SNX5: variants seen among roughly 807,000 people sequenced by gnomAD.
SNX5 encodes the protein sorting nexin-5.
A neutral mutation model predicts 53.9 loss-of-function variants in SNX5; 31 were observed. The observed-to-expected ratio is 0.58, with a 90% CI of 0.43 to 0.78. SNX5 has a LOEUF of 0.78. SNX5 is among the 30% of genes least tolerant of loss of function. SNX5 has a pLI of 0.00. For synonymous variants in SNX5, 168 were observed against 171.1 expected, an observed-to-expected ratio of 0.98 and a Z score of 0.14; for missense variants, 471 against 478.8, an observed-to-expected ratio of 0.98 and a Z score of 0.15.
chr20:17,960,065 C>T (rs748681734), intron 1 of SNX5, among the ~76,000 whole-genome samples: 35 of 152,134 alleles, frequency 2.3e-4, no homozygotes, highest in Non-Finnish European at 4.3e-4. Flanking sequence ...TTGGGCATGC[C>T]GGACCTTTAC....
chr20:17,942,925 T>G, intron 12 of SNX5, 185 bp downstream of exon 12: 1 of 524,184 alleles, frequency 1.9e-6, no homozygotes, highest in Non-Finnish European at 3.4e-6. Flanking sequence ...TGCTAAAAAT[T>G]AGTCATGGGT....
In SNX5 at chr20:17,952,530, A is replaced by C; in HGVS notation, c.513+57T>G. ...TAAAGCAGTAGAAACTATCAAGTACATTTTGAAAGTATAAACATTTGAAGT... is the reference window on the plus strand; with the variant it reads ...TAAAGCAGTAGAAACTATCAAGTACCTTTTGAAAGTATAAACATTTGAAGT... On this transcript the variant is annotated intron_variant, in intron 5 of 12. Transcript: ENST00000377759. The C allele has an allele frequency of 2.0e-6, 3 of 1,537,058 alleles. No individual in the cohort carries two copies. The African/African-American group carries it at 4.1e-5, about 21-fold the overall frequency.
At chr20:17,944,603 T>C (rs1234309051) in intron 11 of SNX5, 2 of 152,200 alleles carry the variant, frequency 1.3e-5, no homozygotes, top group Admixed American at 1.3e-4. Context: ...TGGAGTGCAG[T>C]GGCGGGATCT....
chr20:17,950,534 G>A (rs1447992942), intron 6 of SNX5, 138 bp from the exon 7 acceptor site: 4 of 585,998 alleles, frequency 6.8e-6, no homozygotes, highest in South Asian at 2.2e-5. Flanking sequence ...ACAGATCAGG[G>A]AATTACAAAT....
intron 1 of SNX5, chr20:17,967,828 C>A (rs1006728496): frequency 1.3e-5 from 5 of 381,830 alleles, no homozygotes. Context: ...AGTATTTGAG[C>A]ACCTACTAAA....
chr20:17,942,530 C>A, intron 12 of SNX5, 123 bp from the exon 13 acceptor site: 1 of 743,192 alleles, frequency 1.3e-6, no homozygotes, highest in East Asian at 2.5e-5. Context: ...GCAAGCTGGC[C>A]CTTCTCTTCA....
chr20:17,968,564 A>C lies in SNX5; in HGVS notation c.-139T>G. Reference sequence around the variant, plus strand: ...GGCCTCCCTGCCCGACGGCGGCAGGAGGCCTCCGGACTCCGCCACCATCCC... The same window carrying C: ...GGCCTCCCTGCCCGACGGCGGCAGGCGGCCTCCGGACTCCGCCACCATCCC... On this transcript the variant is annotated 5_prime_UTR_variant, in exon 1 of 13. Coordinates refer to ENST00000377759, the MANE Select transcript of SNX5 (RefSeq NM_014426.4). 1 of 767,158 alleles carries C rather than the reference A, an allele frequency of 1.3e-6. No individual in the cohort carries two copies. The highest frequency in any genetic ancestry group is 2.0e-6 in the Non-Finnish European group (1 of 494,582). The allele number at this position is 767,158 out of a possible 1,614,324, so 47.5% of individuals were successfully genotyped here.
chr20:17,948,654 T>G (rs941441125), intron 10 of SNX5, among the ~76,000 whole-genome samples: 11 of 152,244 alleles, frequency 7.2e-5, no homozygotes, highest in Admixed American at 2.6e-4. Flanking sequence ...CAGCCCTTTC[T>G]GCATGTTATG....
intron 5 of SNX5, among the ~76,000 whole-genome samples, chr20:17,952,349 G>C (rs929062043): frequency 6.6e-6 from 1 of 152,178 alleles, no homozygotes; most frequent in African/African-American, 2.4e-5. Flanking sequence ...TTAACTAAGG[G>C]ATGTTTGGGA....
At chr20:17,962,114 T>C (rs1221079280) in intron 1 of SNX5, 3 of 384,094 alleles carry the variant, frequency 7.8e-6, no homozygotes, top group South Asian at 1.1e-4. Flanking sequence ...CGTACCTATC[T>C]GTGTTCAATC....
intron 4 of SNX5, among the ~76,000 whole-genome samples, chr20:17,953,632 C>T (rs750475117): frequency 2.0e-5 from 3 of 152,274 alleles, no homozygotes; most frequent in Middle Eastern, 3.4e-3. Context: ...TTCTTCTCAA[C>T]GTCTAGTAAC....
chr20:17,961,951 G>A (rs2035459614), intron 1 of SNX5: 1 of 979,892 alleles, frequency 1.0e-6, no homozygotes, highest in Non-Finnish European at 1.2e-6. Context: ...TCACACTCTA[G>A]ATTTGTATTA....
chr20:17,952,096 A>G (rs778362751), intron 5 of SNX5, among the ~76,000 whole-genome samples: 16 of 152,178 alleles, frequency 1.1e-4, no homozygotes, highest in South Asian at 8.3e-4. Flanking sequence ...GGTGGTGGGC[A>G]CCTGTAATCC....
chr20:17,964,423 T>G (rs982121), intron 1 of SNX5, among the ~76,000 whole-genome samples: 86,483 of 151,958 alleles, frequency 0.57, 24,938 homozygotes, highest in East Asian at 0.66. Flanking sequence ...TTTTTAAACT[T>G]AAGTGTTGGC....
At chr20:17,952,557 G>A (rs1262304354) in intron 5 of SNX5, 30 bp downstream of exon 5, 1 of 1,601,236 alleles carries the variant, frequency 6.2e-7, no homozygotes, top group Admixed American at 1.7e-5. Flanking sequence ...ATTTGAAGTG[G>A]ATTATCAAAA....
intron 1 of SNX5, chr20:17,967,701 T>C (rs980821104): frequency 9.2e-5 from 16 of 174,512 alleles, no homozygotes; most frequent in Admixed American, 5.1e-4. Flanking sequence ...GAATCTTTAA[T>C]TGGCTATGGG....
At chr20:17,946,057 G>A (rs2039484019) in intron 11 of SNX5, among the ~76,000 whole-genome samples, 1 of 152,176 alleles carries the variant, frequency 6.6e-6, no homozygotes, top group African/African-American at 2.4e-5. Context: ...CCCCAGAGAA[G>A]ATCCACAGAA....
chr20:17,947,444 AT>A (rs2039501056), intron 11 of SNX5, 41 bp downstream of exon 11: 2 of 1,583,688 alleles, frequency 1.3e-6, no homozygotes, highest in African/African-American at 1.4e-5. Flanking sequence ...GTTTGAAATT[AT>A]TTTCAAATTA....
At chr20:17,952,495 T>C (rs1011607880) in intron 5 of SNX5, 92 bp downstream of exon 5, 34 of 1,275,082 alleles carry the variant, frequency 2.7e-5, no homozygotes, top group Non-Finnish European at 3.2e-5. Context: ...GTGTAAGAAA[T>C]TCAAAACTTT....
Sources: gnomAD v4.1 joint callset for allele counts (sites outside exome capture counted in the v4.1 genomes callset) on GRCh38, gnomAD v4.1.1 for gene constraint, MANE v1.5 for transcripts, NCBI Gene and HGNC (gene_info 2026-07-23, HGNC 2026-07-21) for gene names.